Variants in ATXN7 observed in about 807,000 individuals in gnomAD.
ATXN7 encodes the protein ataxin-7.
Under a neutral mutation model 70.5 loss-of-function variants are expected in ATXN7, and 12 were observed. The ratio of observed to expected loss-of-function variants is 0.17; its 90% CI spans 0.11 to 0.28. The LOEUF is 0.28. ATXN7 is among the 10% of genes least tolerant of loss of function. ATXN7 has a pLI of 1.00. For synonymous variants in ATXN7, 498 were observed against 448.7 expected (o/e 1.11, Z -1.39); for missense variants, 1,256 against 1,131.7 (o/e 1.11, Z -1.58).
At chr3:63,865,320 T>G (rs1027130991) in intron 1 of ATXN7, 3 of 152,224 alleles carry the variant, frequency 2.0e-5, no homozygotes, top group African/African-American at 7.2e-5. Context: ...AACTTGACTT[T>G]TGTCACAAAG....
chr3:63,922,108 C>T (rs1704533215), intron 4 of ATXN7, among the ~76,000 whole-genome samples: 1 of 151,974 alleles, frequency 6.6e-6, no homozygotes, highest in Non-Finnish European at 1.5e-5. Context: ...ATCCATGGCT[C>T]ACTGCAGGCT....
chr3:63,922,522 T>C (rs750118662), intron 4 of ATXN7, among the ~76,000 whole-genome samples: 2 of 152,220 alleles, frequency 1.3e-5, no homozygotes, highest in Non-Finnish European at 2.9e-5. Flanking sequence ...TGTGCTTCTT[T>C]ATGCTGCTGC....
At chr3:63,881,115 A>G (rs1450649615) in intron 1 of ATXN7, among the ~76,000 whole-genome samples, 1 of 152,186 alleles carries the variant, frequency 6.6e-6, no homozygotes, top group African/African-American at 2.4e-5. Flanking sequence ...TACTTGCATT[A>G]TCTTTTCAGT....
At chr3:63,941,399 G>A (rs1039282468) in intron 4 of ATXN7, among the ~76,000 whole-genome samples, 3 of 152,178 alleles carry the variant, frequency 2.0e-5, no homozygotes, top group Non-Finnish European at 2.9e-5. Flanking sequence ...TCTCACAGCA[G>A]TGTGAACCCT....
At position 63,956,031 on chromosome 3, in the gene ATXN7, CA is replaced by C. The variant is rs533149348; in HGVS notation, c.499+3550del. Among the ~76,000 whole-genome samples the C allele has an allele frequency of 2.0e-5, 3 of 152,296 alleles. No homozygotes were observed. In the South Asian group the frequency reaches 6.2e-4, roughly 32 times the overall value. ...GCCAAGCTGCAGTTTTAGGAGTTAA[CA>C]ATTAACCAGGATTTCCATTTGAGCA... On this transcript the variant is annotated intron_variant, in intron 5 of 12. Transcript: ENST00000674280.
chr3:63,880,859 A>G (rs1298756769), intron 1 of ATXN7, among the ~76,000 whole-genome samples: 1 of 152,208 alleles, frequency 6.6e-6, no homozygotes, highest in Non-Finnish European at 1.5e-5. Flanking sequence ...CTAGAAGTAA[A>G]CACCATGAGA....
At chr3:63,971,053 AGAT>A (rs1219339522) in intron 5 of ATXN7, among the ~76,000 whole-genome samples, 1 of 152,140 alleles carries the variant, frequency 6.6e-6, no homozygotes, top group African/African-American at 2.4e-5. Context: ...GGGGGAGGAG[AGAT>A]GCCTTTGGCA....
chr3:63,967,679 G>A, intron 5 of ATXN7: 1 of 955,850 alleles, frequency 1.0e-6, no homozygotes, highest in Non-Finnish European at 1.4e-6. Context: ...CCAATAGAAA[G>A]ATTAATTTAC....
chr3:63,967,636 T>C (rs751961243), intron 5 of ATXN7: 1 of 518,716 alleles, frequency 1.9e-6, no homozygotes, highest in Non-Finnish European at 2.9e-6. Context: ...AACTTATAAA[T>C]TCCATCTTCC....
At chr3:63,999,062 T>C (rs2075804177) in intron 12 of ATXN7, 1 of 199,106 alleles carries the variant, frequency 5.0e-6, no homozygotes, top group Non-Finnish European at 1.1e-5. Context: ...CTGTGTGTGC[T>C]AGCCCTTGAC....
intron 1 of ATXN7, among the ~76,000 whole-genome samples, chr3:63,888,877 C>T (rs1022316820): frequency 6.6e-6 from 1 of 152,116 alleles, no homozygotes. Flanking sequence ...AGCTGCTAAT[C>T]GGTTCTCCAA....
intron 1 of ATXN7, among the ~76,000 whole-genome samples, chr3:63,883,373 G>T (rs568725933): frequency 7.2e-5 from 11 of 152,256 alleles, no homozygotes; most frequent in Middle Eastern, 3.4e-3. Flanking sequence ...TTAATGGTTG[G>T]TTGAAGGCTG....
intron 12 of ATXN7, chr3:63,997,526 T>C: frequency 9.6e-7 from 1 of 1,042,934 alleles, no homozygotes; most frequent in Non-Finnish European, 1.4e-6. Flanking sequence ...GTCCCAGCTC[T>C]TCTGCCTGTT....
intron 5 of ATXN7, among the ~76,000 whole-genome samples, chr3:63,970,557 G>A (rs1681123963): frequency 6.6e-6 from 1 of 152,124 alleles, no homozygotes; most frequent in African/African-American, 2.4e-5. Flanking sequence ...AAAGCAACAA[G>A]TTAGGCAGGG....
At chr3:63,977,253 C>T (rs549740524) in intron 5 of ATXN7, among the ~76,000 whole-genome samples, 71 of 152,290 alleles carry the variant, frequency 4.7e-4, no homozygotes, top group Middle Eastern at 6.8e-3. Context: ...CTTAGTATAT[C>T]GGTGGCTTTG....
Position 64,002,425 on chromosome 3 carries a change from G to C in ATXN7, c.*2958G>C, listed in dbSNP as rs1216406156. The C allele has an allele frequency of 6.6e-6, 1 of 152,322 alleles. No homozygotes were observed. The highest frequency in any genetic ancestry group is 2.4e-5 in the African/African-American group (1 of 41,344). 9.4% of individuals were successfully genotyped at this position (152,322 alleles called of 1,614,324 possible). A position where few individuals can be genotyped will look rare whatever the true frequency, so the allele number is the denominator to read the frequency against. On this transcript the variant is annotated 3_prime_UTR_variant, in exon 13 of 13. Coordinates refer to ENST00000674280, the MANE Select transcript of ATXN7 (RefSeq NM_001377405.1). The stretch of plus-strand genomic sequence containing the variant: ...CTTCTTCCTGGTTGCCTGGTTTCCC[G>C]ATAGACTACATGTAACTAAGTGACA...
At chr3:63,949,042 G>A (rs1236579050) in intron 4 of ATXN7, among the ~76,000 whole-genome samples, 4 of 151,794 alleles carry the variant, frequency 2.6e-5, no homozygotes, top group Non-Finnish European at 1.5e-5. Flanking sequence ...ATTTTCTGTT[G>A]TAAATCAAGC....
intron 12 of ATXN7, 149 bp from the exon 13 acceptor site, chr3:63,999,301 C>A: frequency 1.5e-6 from 1 of 656,846 alleles, no homozygotes; most frequent in Non-Finnish European, 2.7e-6. Context: ...AGAACAAAAT[C>A]TATAGCTGAC....
At chr3:63,990,101 A>G in intron 9 of ATXN7, 75 bp from the exon 10 acceptor site, 3 of 1,442,320 alleles carry the variant, frequency 2.1e-6, no homozygotes, top group South Asian at 2.4e-5. Context: ...TTTTGGACAC[A>G]CTGTTGTATC....
Sources: allele counts gnomAD v4.1 joint callset (sites outside exome capture counted in the v4.1 genomes callset), GRCh38; gene constraint gnomAD v4.1.1; transcripts MANE v1.5; gene names NCBI Gene and HGNC (gene_info 2026-07-23, HGNC 2026-07-21).